The following GCNT2 variants were observed in gnomAD, a reference collection of about 807,000 sequenced individuals.
GCNT2 encodes N-acetyllactosaminide beta-1,6-N-acetylglucosaminyl-transferase.
A neutral mutation model predicts 34.2 loss-of-function variants in GCNT2; 34 were observed. The observed-to-expected ratio is 1.00, with a 90% confidence interval of 0.76 to 1.32. GCNT2 has a LOEUF of 1.32. GCNT2 is among the 40% of genes most tolerant of loss of function. The probability of loss-of-function intolerance (pLI) is 0.00; values close to 1 mark genes in which losing one functional copy is unlikely to be tolerated. For missense variants in GCNT2, 584 were observed against 489.4 expected (o/e 1.19, Z -1.82); for synonymous variants, 212 against 188.0 (o/e 1.13, Z -1.04).
intron 3 of GCNT2, among the ~76,000 whole-genome samples, chr6:10,533,067 GAGGCT>G (rs1761575786): frequency 6.6e-6 from 1 of 152,026 alleles, no homozygotes; most frequent in African/African-American, 2.4e-5. Context: ...AGCACTTTGG[GAGGCT>G]GAGCTGGGTG....
chr6:10,571,181 T>C (rs1478637961), intron 3 of GCNT2, among the ~76,000 whole-genome samples: 1 of 152,164 alleles, frequency 6.6e-6, no homozygotes, highest in Non-Finnish European at 1.5e-5. Flanking sequence ...ACTGCCTATT[T>C]CTTATAAAGC....
At chr6:10,528,303 G>A (rs1761299686) in intron 2 of GCNT2, 1 of 157,246 alleles carries the variant, frequency 6.4e-6, no homozygotes, top group Non-Finnish European at 1.4e-5. Flanking sequence ...TGTGGCTGTG[G>A]AAAAAGACAG....
In GCNT2 at chr6:10,556,227, A is replaced by G. The variant is rs1581399712; in HGVS notation, c.925+26391A>G. On this transcript the variant is annotated intron_variant, in intron 3 of 4. Transcript: ENST00000495262. ...ACAAAGGAGGTTTGAGAGAGGCGGG[A>G]TCTGGCTGTAATATCGGCACAGGGA... is the stretch of plus-strand genomic sequence containing the variant. The G allele has an allele frequency of 3.5e-6, 5 of 1,441,536 alleles. No individual in the cohort carries two copies. The South Asian group carries it at 7.4e-5, about 21-fold the overall frequency. 89.3% of individuals were successfully genotyped at this position (1,441,536 alleles called of 1,614,324 possible). A position where few individuals can be genotyped will look rare whatever the true frequency, so the allele number is the denominator to read the frequency against.
In GCNT2 at chr6:10,529,444, T is replaced by G. The variant is rs768277361; in HGVS notation, c.533T>G (p.Val178Gly). Residue 178 changes from valine to glycine, a missense_variant, in exon 3 of 5, where the codon GTG becomes GGG. Val to Gly is a moderately radical substitution (Grantham distance 109). Coordinates refer to ENST00000495262, the MANE Select transcript of GCNT2 (RefSeq NM_145649.5). The part of the protein sequence containing the change: ...QADLNCLEDL[V>G]ASEVPWKYVI... ...GACCTGAACTGCCTGGAAGACCTTG[T>G]GGCCTCTGAAGTTCCCTGGAAGTAT... 4.3e-6 allele frequency: 7 copies of G among 1,614,046 alleles called. No homozygotes were observed. The South Asian group carries it at 5.5e-5, about 13-fold the overall frequency.
chr6:10,550,397 A>G (rs1181465863), intron 3 of GCNT2, among the ~76,000 whole-genome samples: 1 of 151,474 alleles, frequency 6.6e-6, no homozygotes, highest in Non-Finnish European at 1.5e-5. Flanking sequence ...GGTCATTGAG[A>G]AAAAAAAATC....
At chr6:10,602,375 G>A (rs373230017) in intron 3 of GCNT2, among the ~76,000 whole-genome samples, 70 of 152,198 alleles carry the variant, frequency 4.6e-4, no homozygotes, top group East Asian at 2.7e-3. Context: ...TTTTTGTGTC[G>A]CTGTGTAACT....
At chr6:10,623,911 A>G (rs1354482360) in intron 4 of GCNT2, among the ~76,000 whole-genome samples, 3 of 152,176 alleles carry the variant, frequency 2.0e-5, no homozygotes, top group Non-Finnish European at 4.4e-5. Flanking sequence ...GTAAGCCACT[A>G]CAAGATGTCC....
chr6:10,553,278 GCTC>G (rs1762557534), intron 3 of GCNT2, among the ~76,000 whole-genome samples: 2 of 152,164 alleles, frequency 1.3e-5, no homozygotes, highest in African/African-American at 4.8e-5. Context: ...CCTGTTGTGT[GCTC>G]CTCTGGCAAG....
chr6:10,566,111 A>G (rs1763270763), intron 3 of GCNT2, among the ~76,000 whole-genome samples: 1 of 149,788 alleles, frequency 6.7e-6, no homozygotes, highest in East Asian at 2.0e-4. Flanking sequence ...TCCTGCCCTG[A>G]CGCATGCAGT....
At chr6:10,601,190 GC>G (rs1765074091) in intron 3 of GCNT2, among the ~76,000 whole-genome samples, 1 of 152,028 alleles carries the variant, frequency 6.6e-6, no homozygotes, top group South Asian at 2.1e-4. Flanking sequence ...AAGCAGCTGG[GC>G]CCGTTATTTT....
intron 2 of GCNT2, chr6:10,528,397 C>T (rs1195681750): frequency 2.8e-5 from 5 of 177,874 alleles, no homozygotes; most frequent in Admixed American, 2.1e-4. Context: ...AACTGAAGCT[C>T]GTAGCTTGGC....
At chr6:10,546,167 T>C (rs985850576) in intron 3 of GCNT2, among the ~76,000 whole-genome samples, 2 of 152,134 alleles carry the variant, frequency 1.3e-5, no homozygotes, top group South Asian at 4.1e-4. Flanking sequence ...CAGCAGCATA[T>C]ACGGCAGGCA....
intron 3 of GCNT2, among the ~76,000 whole-genome samples, chr6:10,536,135 G>A (rs1034892303): frequency 2.0e-5 from 3 of 152,138 alleles, no homozygotes; most frequent in African/African-American, 7.2e-5. Context: ...CCGAATCAAG[G>A]TGGTCTTGGG....
At chr6:10,617,747 C>CTTTTTTTTTTTTTTT (rs1407402607) in intron 3 of GCNT2, among the ~76,000 whole-genome samples, 3 of 114,292 alleles carry the variant, frequency 2.6e-5, no homozygotes, top group African/African-American at 8.5e-5. Flanking sequence ...GTCTGCATTT[C>CTTTTTTTTTTTTTTT]TTCTTTTTTT....
chr6:10,547,941 G>A (rs559446824), intron 3 of GCNT2, among the ~76,000 whole-genome samples: 1 of 152,220 alleles, frequency 6.6e-6, no homozygotes, highest in African/African-American at 2.4e-5. Flanking sequence ...GCCAGTGAAA[G>A]CCTGTTCAAG....
chr6:10,581,057 G>T (rs962355541), intron 3 of GCNT2, among the ~76,000 whole-genome samples: 1 of 152,088 alleles, frequency 6.6e-6, no homozygotes. Context: ...TAATAGCTTT[G>T]CCTGCCCAAT....
Position 10,529,299 on chromosome 6 carries a change from C to A in GCNT2, c.388C>A (p.Gln130Lys). ...PQNVYCVHLD[Q>K]KATDAFKGAV... Reference sequence around the variant, plus strand: ...AAATGTCTACTGTGTGCACCTGGATCAGAAGGCGACGGATGCCTTTAAAGG... The same window carrying A: ...AAATGTCTACTGTGTGCACCTGGATAAGAAGGCGACGGATGCCTTTAAAGG... Residue 130 changes from glutamine to lysine, a missense_variant, in exon 3 of 5, where the codon CAG (glutamine) becomes AAG (lysine). Physicochemically the swap from Gln to Lys is moderately conservative, Grantham distance 53. Transcript: ENST00000495262. 6.2e-7 allele frequency: 1 copy of A among 1,614,162 alleles called. No homozygotes were observed. Among genetic ancestry groups the A allele is most frequent in the South Asian group, 1.1e-5 (1 of 91,080 alleles).
intron 3 of GCNT2, among the ~76,000 whole-genome samples, chr6:10,589,213 G>T (rs756882092): frequency 3.4e-5 from 5 of 147,474 alleles, no homozygotes; most frequent in Non-Finnish European, 7.5e-5. Flanking sequence ...TGTGTGGTGT[G>T]TGTGTTTGCA....
chr6:10,611,514 A>G (rs1030055699), intron 3 of GCNT2, among the ~76,000 whole-genome samples: 3 of 151,908 alleles, frequency 2.0e-5, no homozygotes, highest in African/African-American at 7.3e-5. Context: ...TATTTTTAGT[A>G]GAGACGGGGT....
Sources: allele counts gnomAD v4.1 joint callset (sites outside exome capture counted in the v4.1 genomes callset), GRCh38; gene constraint gnomAD v4.1.1; transcripts MANE v1.5; gene names NCBI Gene and HGNC (gene_info 2026-07-23, HGNC 2026-07-21).